GPR89B: variants seen among roughly 807,000 people sequenced by gnomAD.
The protein encoded by GPR89B is G protein-coupled receptor 89B.
A neutral mutation model predicts 52.4 loss-of-function variants in GPR89B; 25 were observed. The observed-to-expected ratio is 0.48, with a 90% CI of 0.35 to 0.67. The LOEUF is 0.67. Among genes scored for constraint, GPR89B ranks in the 30% least tolerant of loss-of-function variants. The pLI is 0.01. For missense variants in GPR89B, 146 were observed against 450.2 expected (o/e 0.32, Z 6.11); for synonymous variants, 52 against 151.2 (o/e 0.34, Z 4.81).
chr1:147,975,523 AT>A (rs1309924628), intron 10 of GPR89B, among the ~76,000 whole-genome samples: 2 of 151,492 alleles, frequency 1.3e-5, no homozygotes, highest in Non-Finnish European at 3.0e-5. Flanking sequence ...CCCCTTTATC[AT>A]TTTTTTTGTG....
chr1:147,986,333 G>C, intron 11 of GPR89B, 39 bp downstream of exon 11: 4 of 1,610,662 alleles, frequency 2.5e-6, no homozygotes, highest in Non-Finnish European at 3.4e-6. Flanking sequence ...TCATGTTTCT[G>C]TTTTATCTGC....
the GPR89B span, chr1:148,003,756 T>TAC: frequency 0.049 from 20,444 of 416,500 alleles, 897 homozygotes; most frequent in African/African-American, 0.19. Context: ...ATTTGCTGGT[T>TAC]ACTGCCAAGT....
At chr1:147,946,989 C>T (rs1215084926) in intron 5 of GPR89B, among the ~76,000 whole-genome samples, 1 of 152,022 alleles carries the variant, frequency 6.6e-6, no homozygotes. Flanking sequence ...CTTCTTAGAG[C>T]TTTCCCAGGA....
intron 3 of GPR89B, among the ~76,000 whole-genome samples, chr1:147,940,384 C>G (rs1654462777): frequency 6.6e-6 from 1 of 151,624 alleles, no homozygotes; most frequent in African/African-American, 2.4e-5. Context: ...GCCTGGGCGA[C>G]AGAGCAAGAC....
intron 10 of GPR89B, among the ~76,000 whole-genome samples, chr1:147,974,014 TC>T (rs1215611181): frequency 6.6e-6 from 1 of 151,180 alleles, no homozygotes; most frequent in African/African-American, 2.5e-5. Flanking sequence ...TCTATTCTGT[TC>T]CATTGGTCTA....
At position 147,928,493 on chromosome 1, in the gene GPR89B, C is replaced by A. The variant is rs1553246449; in HGVS notation, c.-44C>A. On this transcript the variant is annotated 5_prime_UTR_variant, in exon 1 of 14. Coordinates refer to ENST00000314163, the MANE Select transcript of GPR89B (RefSeq NM_016334.5). Reference sequence around the variant, plus strand: ...CTGTGGCCCCAGCGTGCTGTGGCCTCCGGGAGTGGGAAGTGGAGGCAGGAG... The same window carrying A: ...CTGTGGCCCCAGCGTGCTGTGGCCTACGGGAGTGGGAAGTGGAGGCAGGAG... 1 of 1,613,160 alleles carries A rather than the reference C, an allele frequency of 6.2e-7. No homozygotes were observed. Among genetic ancestry groups the A allele is most frequent in the South Asian group, 1.1e-5 (1 of 91,062 alleles).
chr1:148,021,037 G>A, the GPR89B span, among the ~76,000 whole-genome samples: 2 of 151,720 alleles, frequency 1.3e-5, no homozygotes, highest in African/African-American at 4.9e-5. Flanking sequence ...GAAGCAGCCA[G>A]TGGGTCTGCT....
chr1:147,977,321 T>A (rs1571303453), intron 10 of GPR89B, among the ~76,000 whole-genome samples: 1 of 145,192 alleles, frequency 6.9e-6, no homozygotes, highest in Non-Finnish European at 1.5e-5. Context: ...CACTGAGAGG[T>A]GCACTGTTAG....
the GPR89B span, among the ~76,000 whole-genome samples, chr1:148,006,811 G>A: frequency 2.0e-5 from 3 of 151,634 alleles, no homozygotes; most frequent in South Asian, 4.2e-4. Context: ...CTGCCTCCCC[G>A]GTTCAAGCGA....
the GPR89B span, among the ~76,000 whole-genome samples, chr1:148,002,822 C>T: frequency 3.4e-3 from 521 of 152,250 alleles, 2 homozygotes; most frequent in African/African-American, 0.012. Flanking sequence ...ACTGTGTTCA[C>T]ATGACTCCCA....
At chr1:148,016,944 TCTG>T in the GPR89B span, among the ~76,000 whole-genome samples, 1 of 151,886 alleles carries the variant, frequency 6.6e-6, no homozygotes, top group Admixed American at 6.6e-5. Flanking sequence ...CAACGTCTAA[TCTG>T]CTGTTAATCC....
rs587771276 is a variant in GPR89B, at chr1:147,932,603, C to G, written c.43-4024C>G. 3.3e-5 allele frequency among the ~76,000 whole-genome samples: 5 copies of G among 152,290 alleles called. No individual in the cohort carries two copies. The South Asian group carries it at 8.3e-4, about 25-fold the overall frequency. On this transcript the variant is annotated intron_variant, in intron 1 of 13. Transcript: ENST00000314163. ...CACCTCTCTTACTCTTAGCAGATAA[C>G]CATGCCTCGTACTTACTCAACAAAA...
the GPR89B span, among the ~76,000 whole-genome samples, chr1:148,002,296 C>T: frequency 1.3e-5 from 2 of 152,130 alleles, no homozygotes; most frequent in South Asian, 4.1e-4. Context: ...TCCTCTGATG[C>T]TACCATAATA....
chr1:148,021,163 T>C, the GPR89B span, among the ~76,000 whole-genome samples: 2 of 151,822 alleles, frequency 1.3e-5, no homozygotes, highest in South Asian at 2.1e-4. Flanking sequence ...ACTTGGACCT[T>C]GGATAGACCA....
intron 7 of GPR89B, among the ~76,000 whole-genome samples, chr1:147,963,777 GT>G (rs1656816554): frequency 6.6e-6 from 1 of 152,054 alleles, no homozygotes; most frequent in African/African-American, 2.4e-5. Context: ...CTGGAACACA[GT>G]TTAGCTCTTT....
At chr1:147,949,255 C>T (rs1212481534) in intron 5 of GPR89B, among the ~76,000 whole-genome samples, 48 of 152,038 alleles carry the variant, frequency 3.2e-4, no homozygotes, top group African/African-American at 9.4e-4. Flanking sequence ...CATCATGGCC[C>T]GGTCTCAATG....
At chr1:148,018,184 C>T in the GPR89B span, among the ~76,000 whole-genome samples, 12 of 142,944 alleles carry the variant, frequency 8.4e-5, 1 homozygote, top group East Asian at 1.2e-3. Context: ...TCTGGGAGGC[C>T]GAGGCGGGCG....
At chr1:147,983,756 G>A (rs2149090679) in intron 10 of GPR89B, among the ~76,000 whole-genome samples, 1 of 152,040 alleles carries the variant, frequency 6.6e-6, no homozygotes, top group East Asian at 1.9e-4. Flanking sequence ...AACCCTTGTG[G>A]AAGTCAGTGT....
chr1:147,928,887 C>T (rs1553246599), intron 1 of GPR89B: 4 of 270,510 alleles, frequency 1.5e-5, no homozygotes, highest in African/African-American at 9.2e-5. Context: ...GGCGGCGGTT[C>T]TAGGAGCTCC....
Sources: allele counts gnomAD v4.1 joint callset (sites outside exome capture counted in the v4.1 genomes callset), GRCh38; gene constraint gnomAD v4.1.1; transcripts MANE v1.5; gene names NCBI Gene and HGNC (gene_info 2026-07-23, HGNC 2026-07-21).